The following SLC1A7 variants were observed in gnomAD, a reference collection of about 807,000 sequenced individuals.
SLC1A7 encodes the protein excitatory amino acid transporter 5.
In SLC1A7, 40 loss-of-function variants were observed where a neutral mutation model predicts 47.7. The ratio of observed to expected loss-of-function variants is 0.84; its 90% CI spans 0.65 to 1.09. The LOEUF (loss-of-function observed/expected upper bound fraction) is 1.09, where lower values mean the gene tolerates loss of function less well. Ranked by LOEUF, SLC1A7 falls within the 50% of genes least tolerant of loss-of-function variation. The pLI, the probability that SLC1A7 is intolerant of heterozygous loss-of-function variation, is 0.00. For synonymous variants in SLC1A7, 323 were observed against 325.6 expected (o/e 0.99, Z 0.09); for missense variants, 746 against 769.5 (o/e 0.97, Z 0.36).
chr1:53,094,883 C>T (rs908552369), intron 5 of SLC1A7, among the ~76,000 whole-genome samples: 2 of 152,246 alleles, frequency 1.3e-5, no homozygotes, highest in Admixed American at 6.5e-5. Flanking sequence ...GCAGGGCCAG[C>T]AGGACCTTAG....
In SLC1A7 at chr1:53,101,127, G is replaced by A. The variant is rs543121775; in HGVS notation, c.697+2219C>T. ...CCTCGTTACACTCACACACACTGCC[G>A]CAGTACACTCACACACCCCGCCTCA... On this transcript the variant is annotated intron_variant, in intron 5 of 10. Coordinates refer to ENST00000371494, the MANE Select transcript of SLC1A7 (RefSeq NM_006671.6). Among the ~76,000 whole-genome samples the A allele has an allele frequency of 4.5e-4, 47 of 103,434 alleles. No individual in the cohort carries two copies. The South Asian group carries it at 0.013, about 29-fold the overall frequency. The allele number at this position is 103,434 out of a possible 152,430, so 67.9% of individuals were successfully genotyped here. A position where few individuals can be genotyped will look rare whatever the true frequency, so the allele number is the denominator to read the frequency against.
intron 2 of SLC1A7, among the ~76,000 whole-genome samples, chr1:53,125,353 G>A (rs969710198): frequency 4.6e-5 from 7 of 152,216 alleles, no homozygotes; most frequent in African/African-American, 1.7e-4. Context: ...AGCACTGTCA[G>A]GGGAAGGGAG....
chr1:53,090,551 T>C, intron 8 of SLC1A7, 61 bp downstream of exon 8: 1 of 1,475,812 alleles, frequency 6.8e-7, no homozygotes, highest in Non-Finnish European at 9.0e-7. Flanking sequence ...TCTGGGAGCC[T>C]GGGAATCCCC....
At chr1:53,099,295 C>T (rs879423605) in intron 5 of SLC1A7, among the ~76,000 whole-genome samples, 8,613 of 121,076 alleles carry the variant, frequency 0.071, 1,279 homozygotes, top group Non-Finnish European at 0.092. Context: ...ACACACATAC[C>T]CCGCCTTGAT....
chr1:53,111,273 G>A (rs1472209283), intron 3 of SLC1A7, among the ~76,000 whole-genome samples: 2 of 152,156 alleles, frequency 1.3e-5, no homozygotes. Context: ...ATGACACCCA[G>A]ACAGGAAGGA....
rs367785756 is a variant in SLC1A7, at chr1:53,088,884, C to T, written c.1457G>A (p.Gly486Asp). The change falls in exon 10 of 11, where the codon GGC becomes GAC. Residue 486 changes from glycine to aspartate, a missense_variant. Transcript: ENST00000371494. ...GGATCTCACTGCTCTCACCTCGGTG[C>T]CTGTGTCCCGGGCAAAATCCTTCCG... is the stretch of plus-strand genomic sequence containing the variant. Reference protein sequence around the residue: ...ICRKDFARDTGTEKLLPCETK... With the variant: ...ICRKDFARDTDTEKLLPCETK... 2.3e-5 allele frequency: 37 copies of T among 1,613,488 alleles called. No homozygotes were observed. The highest frequency in any genetic ancestry group is 3.0e-5 in the Non-Finnish European group (35 of 1,179,656).
intron 5 of SLC1A7, among the ~76,000 whole-genome samples, chr1:53,097,395 ACACT>A (rs1368206930): frequency 8.1e-6 from 1 of 122,712 alleles, no homozygotes. Context: ...CTGCCTCGGA[ACACT>A]CACACAACCC....
rs113757401 is a variant in SLC1A7, at chr1:53,093,373, C to G, written c.797+88G>C. On this transcript the variant is annotated intron_variant, in intron 6 of 10. Coordinates refer to ENST00000371494, the MANE Select transcript of SLC1A7 (RefSeq NM_006671.6). ...CTGAGCCTGGGCACAGCTTTCTGCT[C>G]ACTTTACGGGAGAAGAGGGTGGGGT... The G allele has an allele frequency of 3.6e-5, 39 of 1,071,986 alleles. No homozygotes were observed. The African/African-American group carries it at 4.6e-4, about 13-fold the overall frequency. 66.4% of individuals were successfully genotyped at this position (1,071,986 alleles called of 1,614,324 possible).
At position 53,090,622 on chromosome 1, in the gene SLC1A7, T is replaced by C. The variant is rs1236772012; in HGVS notation, c.1216A>G (p.Ile406Val). 1 of 1,590,146 alleles carries C rather than the reference T, an allele frequency of 6.3e-7. No homozygotes were observed. The highest frequency in any genetic ancestry group is 8.6e-7 in the Non-Finnish European group (1 of 1,164,742). Reference protein sequence around the residue: ...NNYELDFGQIITISITATAAS... With the variant: ...NNYELDFGQIVTISITATAAS... ...AGTGTCAGGGTGCACCTGATGGTGA[T>C]GATCTGGCCAAAGTCCAGCTCGTAG... Residue 406 changes from isoleucine to valine, a missense_variant, in exon 8 of 11, where the codon ATC becomes GTC. Coordinates refer to ENST00000371494, the MANE Select transcript of SLC1A7 (RefSeq NM_006671.6).
chr1:53,136,026 C>T lies in SLC1A7; in HGVS notation c.136-1597G>A, dbSNP rs564798037. 5.3e-5 allele frequency among the ~76,000 whole-genome samples: 8 copies of T among 151,872 alleles called. No homozygotes were observed. In the East Asian group the frequency reaches 1.4e-3, roughly 26 times the overall value. The stretch of plus-strand genomic sequence containing the variant: ...CATGTGATAGATGAGGAAGCTGAAC[C>T]GCAAAAGGGAGGTGACAGACCCACC... On this transcript the variant is annotated intron_variant, in intron 1 of 10. Coordinates refer to ENST00000371494, the MANE Select transcript of SLC1A7 (RefSeq NM_006671.6).
Position 53,092,733 on chromosome 1 carries a change from G to A in SLC1A7, c.852C>T (p.Asp284=), listed in dbSNP as rs145587721. 22 of 1,614,032 alleles carry A rather than the reference G, an allele frequency of 1.4e-5. No individual in the cohort carries two copies. The highest frequency in any genetic ancestry group is 4.5e-5 in the East Asian group (2 of 44,884). ...FLIAGKILEM[D]DPRAVGKKLG... ...GCTTCTTGCCGACGGCCCTGGGGTC[G>A]TCCATCTCCAGGATCTTACCCGCAA... Residue 284 remains aspartate (D), a synonymous_variant, in exon 7 of 11, where the codon GAC becomes GAT. Transcript: ENST00000371494.
chr1:53,125,050 G>A (rs1475043701), intron 2 of SLC1A7, among the ~76,000 whole-genome samples: 3 of 152,224 alleles, frequency 2.0e-5, no homozygotes, highest in Non-Finnish European at 4.4e-5. Context: ...GAATGGGAAA[G>A]TAAGGCTCCC....
intron 1 of SLC1A7, among the ~76,000 whole-genome samples, chr1:53,136,619 T>TAATATATAA (rs1645000351): frequency 9.3e-6 from 1 of 107,290 alleles, no homozygotes; most frequent in African/African-American, 3.5e-5. Flanking sequence ...ATAATATATA[T>TAATATATAA]AAACATATAT....
rs1557681141 is a variant in SLC1A7, at chr1:53,114,941, T to C, written c.248A>G (p.Lys83Arg). The C allele has an allele frequency of 6.2e-7, 1 of 1,613,980 alleles. No homozygotes were observed. Among genetic ancestry groups the C allele is most frequent in the African/African-American group, 1.3e-5 (1 of 74,932 alleles). Reference sequence around the variant, plus strand: ...GAGGACGCCCAGGCGGCTAGAGGTCTTGGCATCCAGGGAGGCAAGTCCGGA... The same window carrying C: ...GAGGACGCCCAGGCGGCTAGAGGTCCTGGCATCCAGGGAGGCAAGTCCGGA... ...LMSGLASLDA[K>R]TSSRLGVLTV... is the part of the protein sequence containing the mutation. Residue 83 changes from lysine to arginine, a missense_variant, in exon 3 of 11, where the codon AAG (lysine) becomes AGG (arginine). Transcript: ENST00000371494.
chr1:53,129,422 C>A (rs1644916050), intron 2 of SLC1A7, among the ~76,000 whole-genome samples: 1 of 152,128 alleles, frequency 6.6e-6, no homozygotes, highest in South Asian at 2.1e-4. Flanking sequence ...AGATTTCAAC[C>A]ACCCCCGCCC....
chr1:53,099,028 ACT>A (rs1211839624), intron 5 of SLC1A7, among the ~76,000 whole-genome samples: 1 of 144,852 alleles, frequency 6.9e-6, no homozygotes, highest in East Asian at 2.1e-4. Flanking sequence ...GCCTCAAAAC[ACT>A]CACACCCTGC....
chr1:53,108,620 CTT>C, intron 3 of SLC1A7: 1 of 717,894 alleles, frequency 1.4e-6, no homozygotes, highest in Non-Finnish European at 2.6e-6. Context: ...GTTCCTCCAA[CTT>C]TCTTCTTTCT....
At chr1:53,141,678 T>C (rs1256825374) in intron 1 of SLC1A7, among the ~76,000 whole-genome samples, 1 of 148,358 alleles carries the variant, frequency 6.7e-6, no homozygotes, top group Non-Finnish European at 1.5e-5. Flanking sequence ...AAAACAGTTC[T>C]CACGTCTGTC....
intron 2 of SLC1A7, among the ~76,000 whole-genome samples, chr1:53,129,498 T>C (rs1363231064): frequency 1.8e-3 from 189 of 106,892 alleles, no homozygotes; most frequent in Middle Eastern, 6.1e-3. Context: ...TGGGCTGCAC[T>C]CAGTTGGACT....
Sources: gnomAD v4.1 joint callset for allele counts (sites outside exome capture counted in the v4.1 genomes callset) on GRCh38, gnomAD v4.1.1 for gene constraint, MANE v1.5 for transcripts, NCBI Gene and HGNC (gene_info 2026-07-23, HGNC 2026-07-21) for gene names.